The following MAGI2 variants were observed in gnomAD, a reference collection of about 807,000 sequenced individuals.
MAGI2 encodes membrane associated guanylate kinase, WW and PDZ domain containing 2.
MAGI2 carries 35 observed loss-of-function variants against 133.3 expected under a neutral mutation model. That is an observed-to-expected ratio of 0.26 (90% CI 0.20 to 0.35). MAGI2 has a LOEUF of 0.35. Ranked by LOEUF, MAGI2 falls within the 10% of genes least tolerant of loss-of-function variation. The pLI is 1.00. For synonymous variants in MAGI2, 729 were observed against 710.6 expected, an observed-to-expected ratio of 1.03 and a Z score of -0.41; for missense variants, 1,636 against 1,863.4, an observed-to-expected ratio of 0.88 and a Z score of 2.25.
At chr7:78,076,912 A>G (rs1815389637) in intron 21 of MAGI2, among the ~76,000 whole-genome samples, 1 of 150,464 alleles carries the variant, frequency 6.6e-6, no homozygotes, top group African/African-American at 2.4e-5. Context: ...CACGATCTTG[A>G]ATTTTTGTCT....
At chr7:79,322,659 G>A (rs904225809) in intron 1 of MAGI2, among the ~76,000 whole-genome samples, 4 of 151,716 alleles carry the variant, frequency 2.6e-5, no homozygotes, top group Non-Finnish European at 4.4e-5. Context: ...AGTTGTGCAC[G>A]CCTGTAGTCC....
At chr7:79,186,911 T>C (rs1295253351) in intron 1 of MAGI2, among the ~76,000 whole-genome samples, 1 of 150,916 alleles carries the variant, frequency 6.6e-6, no homozygotes, top group Non-Finnish European at 1.5e-5. Flanking sequence ...TGAAATATGA[T>C]GCTCTTGAGG....
intron 2 of MAGI2, among the ~76,000 whole-genome samples, chr7:78,815,934 C>G (rs1195017601): frequency 6.6e-6 from 1 of 152,066 alleles, no homozygotes; most frequent in Non-Finnish European, 1.5e-5. Context: ...AAATCAGAAG[C>G]TAGAAATGAT....
chr7:78,285,647 C>T (rs538209428), intron 9 of MAGI2: 2 of 152,304 alleles, frequency 1.3e-5, no homozygotes, highest in South Asian at 4.1e-4. Flanking sequence ...TTACCTTTAA[C>T]TGCCTCTCTG....
chr7:78,508,069 T>TTTTGGCCCATG (rs2150547514), intron 4 of MAGI2, among the ~76,000 whole-genome samples: 1 of 152,322 alleles, frequency 6.6e-6, no homozygotes, highest in South Asian at 2.1e-4. Flanking sequence ...GCAACATAAT[T>TTTTGGCCCATG]GCAGTCTTCA....
In MAGI2 at chr7:78,116,002, C is replaced by CAA. The variant is rs144186643; in HGVS notation, c.3567+9690_3567+9691dup. On this transcript the variant is annotated intron_variant, in intron 20 of 21. Transcript: ENST00000354212. ...CAAATCTATACAACACAGCACTCAA[C>CAA]AATTGCAGAATGCACATTCTTTCCA... is the stretch of plus-strand genomic sequence containing the variant. Among the ~76,000 whole-genome samples, 1,492 of 152,292 alleles carry CAA rather than the reference C, an allele frequency of 9.8e-3. 19 individuals are homozygous for CAA. The highest frequency in any genetic ancestry group is 0.034 in the African/African-American group (1,415 of 41,546).
At chr7:79,054,182 C>T (rs533694131) in intron 1 of MAGI2, among the ~76,000 whole-genome samples, 4 of 152,010 alleles carry the variant, frequency 2.6e-5, no homozygotes, top group African/African-American at 4.8e-5. Flanking sequence ...GGCGACATAG[C>T]GAGACTCTGT....
intron 1 of MAGI2, among the ~76,000 whole-genome samples, chr7:79,119,983 A>C (rs112673047): frequency 0.031 from 4,756 of 152,196 alleles, 119 homozygotes; most frequent in Non-Finnish European, 0.042. Context: ...AATTCAAATG[A>C]GTTCAAATTA....
At chr7:78,214,283 G>A (rs529340014) in intron 10 of MAGI2, among the ~76,000 whole-genome samples, 1 of 152,244 alleles carries the variant, frequency 6.6e-6, no homozygotes, top group South Asian at 2.1e-4. Context: ...TGTTTTCTGA[G>A]TTTCTTGTTT....
At chr7:79,170,627 GT>G (rs1825440108) in intron 1 of MAGI2, among the ~76,000 whole-genome samples, 1 of 151,984 alleles carries the variant, frequency 6.6e-6, no homozygotes, top group African/African-American at 2.4e-5. Context: ...GTTTAATATT[GT>G]TATAAATGCC....
At chr7:78,324,735 T>A (rs1788405714) in intron 9 of MAGI2, among the ~76,000 whole-genome samples, 1 of 152,072 alleles carries the variant, frequency 6.6e-6, no homozygotes, top group Non-Finnish European at 1.5e-5. Flanking sequence ...CCGAGGCTGG[T>A]GGAACACCTG....
At chr7:78,859,183 C>T (rs111922753) in intron 2 of MAGI2, among the ~76,000 whole-genome samples, 9,541 of 152,148 alleles carry the variant, frequency 0.063, 366 homozygotes, top group Middle Eastern at 0.099. Flanking sequence ...TGGGTATTCA[C>T]TCTTTACCCA....
chr7:78,019,997 C>A, intron 21 of MAGI2, 21 bp from the exon 22 acceptor site: 1 of 1,582,258 alleles, frequency 6.3e-7, no homozygotes, highest in African/African-American at 1.4e-5. Flanking sequence ...GAAGCACAGG[C>A]GTTAGCAGTG....
At chr7:78,473,125 T>G (rs911586683) in intron 6 of MAGI2, among the ~76,000 whole-genome samples, 1 of 152,130 alleles carries the variant, frequency 6.6e-6, no homozygotes, top group African/African-American at 2.4e-5. Flanking sequence ...AAAAAAATGT[T>G]TTGTGAACAA....
chr7:78,269,373 A>G (rs767103559), intron 9 of MAGI2, among the ~76,000 whole-genome samples: 4 of 152,206 alleles, frequency 2.6e-5, no homozygotes, highest in Non-Finnish European at 4.4e-5. Flanking sequence ...TGTCTTCCAC[A>G]ATAGTTGAAC....
intron 10 of MAGI2, among the ~76,000 whole-genome samples, chr7:78,224,935 A>T (rs1789218714): frequency 6.6e-6 from 1 of 152,030 alleles, no homozygotes; most frequent in Admixed American, 6.5e-5. Flanking sequence ...CATTCCCAGC[A>T]GAGAAATAGG....
intron 2 of MAGI2, among the ~76,000 whole-genome samples, chr7:78,883,733 T>C (rs967891749): frequency 1.3e-5 from 2 of 151,954 alleles, no homozygotes; most frequent in African/African-American, 4.8e-5. Flanking sequence ...TTTGCTAAAG[T>C]ATAAAAAAAA....
chr7:78,559,755 C>T (rs1800219493), intron 3 of MAGI2, among the ~76,000 whole-genome samples: 1 of 152,066 alleles, frequency 6.6e-6, no homozygotes, highest in African/African-American at 2.4e-5. Flanking sequence ...ACTTTATACT[C>T]ATAGTCACAT....
At chr7:79,380,588 G>A (rs115431064) in intron 1 of MAGI2, among the ~76,000 whole-genome samples, 1,531 of 151,926 alleles carry the variant, frequency 0.01, 29 homozygotes, top group African/African-American at 0.036. Flanking sequence ...TGGCATAACA[G>A]CTGAATTTGA....
Sources: allele counts gnomAD v4.1 joint callset (sites outside exome capture counted in the v4.1 genomes callset), GRCh38; gene constraint gnomAD v4.1.1; transcripts MANE v1.5; gene names NCBI Gene and HGNC (gene_info 2026-07-23, HGNC 2026-07-21).